RPS6KC1: variants seen among roughly 807,000 people sequenced by gnomAD.
RPS6KC1 encodes ribosomal protein S6 kinase C1.
Under a neutral mutation model 103.8 loss-of-function variants are expected in RPS6KC1, and 54 were observed. The observed-to-expected ratio is 0.52, with a 90% CI of 0.42 to 0.65. RPS6KC1 has a LOEUF of 0.65. Among genes scored for constraint, RPS6KC1 ranks in the 30% least tolerant of loss-of-function variants. RPS6KC1 has a pLI of 0.00. For synonymous variants in RPS6KC1, 439 were observed against 438.7 expected, an observed-to-expected ratio of 1.00 and a Z score of -0.01; for missense variants, 1,151 against 1,253.8, an observed-to-expected ratio of 0.92 and a Z score of 1.24.
chr1:213,447,258 G>T, the RPS6KC1 span, among the ~76,000 whole-genome samples: 5 of 151,878 alleles, frequency 3.3e-5, no homozygotes, highest in East Asian at 9.7e-4. Flanking sequence ...GTAGAGATGG[G>T]GATTTTTCCT....
At chr1:213,551,632 A>G in the RPS6KC1 span, among the ~76,000 whole-genome samples, 1 of 152,236 alleles carries the variant, frequency 6.6e-6, no homozygotes, top group African/African-American at 2.4e-5. Flanking sequence ...CGACACAGGC[A>G]CTACCTCCCC....
At chr1:213,269,213 A>G (rs2094983460) in intron 14 of RPS6KC1, among the ~76,000 whole-genome samples, 1 of 152,220 alleles carries the variant, frequency 6.6e-6, no homozygotes, top group Non-Finnish European at 1.5e-5. Flanking sequence ...TAGATTTACT[A>G]GGATCTGACA....
At chr1:213,102,575 A>G (rs1360536033) in intron 3 of RPS6KC1, among the ~76,000 whole-genome samples, 1 of 152,206 alleles carries the variant, frequency 6.6e-6, no homozygotes, top group Non-Finnish European at 1.5e-5. Flanking sequence ...CAAGCTGGCA[A>G]TTACAATTTT....
At chr1:213,572,336 C>T in the RPS6KC1 span, among the ~76,000 whole-genome samples, 1 of 152,198 alleles carries the variant, frequency 6.6e-6, no homozygotes, top group Admixed American at 6.5e-5. Flanking sequence ...AACTAATTTC[C>T]TTCTGAGGGG....
At chr1:213,215,167 G>A (rs962152246) in intron 8 of RPS6KC1, among the ~76,000 whole-genome samples, 8 of 152,188 alleles carry the variant, frequency 5.3e-5, no homozygotes, top group African/African-American at 1.9e-4. Flanking sequence ...AATAACCAAT[G>A]CAGAGAAGTG....
At chr1:213,177,110 T>C (rs1223988715) in intron 8 of RPS6KC1, among the ~76,000 whole-genome samples, 1 of 152,168 alleles carries the variant, frequency 6.6e-6, no homozygotes, top group Non-Finnish European at 1.5e-5. Flanking sequence ...CCACATGCAT[T>C]TTAATTTTAG....
the RPS6KC1 span, among the ~76,000 whole-genome samples, chr1:213,432,841 G>A: frequency 6.6e-6 from 1 of 151,568 alleles, no homozygotes; most frequent in Non-Finnish European, 1.5e-5. Flanking sequence ...TTATTGTTGA[G>A]TAATTTTCCA....
the RPS6KC1 span, among the ~76,000 whole-genome samples, chr1:213,488,745 C>T: frequency 6.6e-6 from 1 of 152,164 alleles, no homozygotes; most frequent in African/African-American, 2.4e-5. Flanking sequence ...TCCCATTTGT[C>T]CCAAACTGAC....
At chr1:213,202,555 G>A (rs1297702753) in intron 8 of RPS6KC1, among the ~76,000 whole-genome samples, 1 of 152,176 alleles carries the variant, frequency 6.6e-6, no homozygotes, top group African/African-American at 2.4e-5. Flanking sequence ...GGAGGCTGTA[G>A]TGAGCCAAGA....
At chr1:213,341,333 G>A in the RPS6KC1 span, among the ~76,000 whole-genome samples, 1 of 152,318 alleles carries the variant, frequency 6.6e-6, no homozygotes, top group East Asian at 1.9e-4. Context: ...GGATGACTGA[G>A]TATGTTTATA....
chr1:213,546,705 C>A, the RPS6KC1 span, among the ~76,000 whole-genome samples: 2 of 152,172 alleles, frequency 1.3e-5, no homozygotes, highest in Non-Finnish European at 2.9e-5. Context: ...TTTAGACTTA[C>A]AGAACTATTG....
chr1:213,107,046 A>G (rs971636347), intron 4 of RPS6KC1, among the ~76,000 whole-genome samples: 1 of 151,958 alleles, frequency 6.6e-6, no homozygotes, highest in Non-Finnish European at 1.5e-5. Context: ...GGTTCAAGCT[A>G]TTCTCCTGCC....
chr1:213,632,172 G>A, the RPS6KC1 span, among the ~76,000 whole-genome samples: 1 of 152,256 alleles, frequency 6.6e-6, no homozygotes, highest in Non-Finnish European at 1.5e-5. Flanking sequence ...AAGGACATTT[G>A]GGGTGTTTCA....
chr1:213,526,826 A>C, the RPS6KC1 span, among the ~76,000 whole-genome samples: 1 of 152,214 alleles, frequency 6.6e-6, no homozygotes, highest in Non-Finnish European at 1.5e-5. Flanking sequence ...TTATTAGCCC[A>C]ATTTGTGTTA....
chr1:213,773,410 A>ATATATCTATATATCTATATC, the RPS6KC1 span, among the ~76,000 whole-genome samples: 2 of 149,048 alleles, frequency 1.3e-5, no homozygotes, highest in Non-Finnish European at 3.0e-5. Flanking sequence ...ATATCTATAG[A>ATATATCTATATATCTATATC]TATATCTATA....
At chr1:213,824,911 G>T in the RPS6KC1 span, among the ~76,000 whole-genome samples, 1 of 152,178 alleles carries the variant, frequency 6.6e-6, no homozygotes, top group East Asian at 1.9e-4. Context: ...CTGGCAGTGG[G>T]ACCAACGGGC....
At chr1:213,364,006 T>C in the RPS6KC1 span, among the ~76,000 whole-genome samples, 1 of 152,002 alleles carries the variant, frequency 6.6e-6, no homozygotes, top group Admixed American at 6.6e-5. Flanking sequence ...GGTGAGTCAG[T>C]ATATGGCTAT....
the RPS6KC1 span, among the ~76,000 whole-genome samples, chr1:213,418,526 C>T: frequency 1.3e-5 from 2 of 152,218 alleles, no homozygotes; most frequent in Admixed American, 6.5e-5. Flanking sequence ...ATTTTCAAGT[C>T]GTTGGAGCTT....
intron 8 of RPS6KC1, among the ~76,000 whole-genome samples, chr1:213,215,469 G>T (rs2093634722): frequency 1.3e-5 from 2 of 152,190 alleles, no homozygotes; most frequent in South Asian, 4.1e-4. Flanking sequence ...ATATTATCCA[G>T]GAGAACTTCC....
Sources: allele counts gnomAD v4.1 joint callset (sites outside exome capture counted in the v4.1 genomes callset), GRCh38; gene constraint gnomAD v4.1.1; transcripts MANE v1.5; gene names NCBI Gene and HGNC (gene_info 2026-07-23, HGNC 2026-07-21).